Variants in GNB4 observed in about 807,000 individuals in gnomAD.
The protein encoded by GNB4 is G protein subunit beta 4, also known as guanine nucleotide-binding protein subunit beta-4.
Under a neutral mutation model 45.2 loss-of-function variants are expected in GNB4, and 28 were observed. The observed-to-expected ratio is 0.62, with a 90% CI of 0.46 to 0.85. The LOEUF (loss-of-function observed/expected upper bound fraction) is 0.85, where lower values mean the gene tolerates loss of function less well. GNB4 is among the 40% of genes least tolerant of loss of function. GNB4 has a pLI of 0.00. For synonymous variants in GNB4, 132 were observed against 143.7 expected (o/e 0.92, Z 0.58); for missense variants, 321 against 425.4 (o/e 0.75, Z 2.16).
the GNB4 span, chr3:179,464,875 A>G: frequency 6.4e-6 from 9 of 1,411,286 alleles, 1 homozygote; most frequent in African/African-American, 9.9e-5. Context: ...CGGCTACCCC[A>G]TGCGGTGTGT....
chr3:179,520,164 C>T, the GNB4 span, among the ~76,000 whole-genome samples: 52,547 of 125,410 alleles, frequency 0.42, 12,118 homozygotes, highest in East Asian at 0.62. Flanking sequence ...TCTGCTTTCA[C>T]TTAGACTGAC....
At chr3:179,463,145 A>C in the GNB4 span, among the ~76,000 whole-genome samples, 9 of 152,186 alleles carry the variant, frequency 5.9e-5, no homozygotes, top group African/African-American at 1.9e-4. Flanking sequence ...TGGTCTGTAC[A>C]TTCGCTGGGT....
Position 179,451,394 on chromosome 3 carries a change from G to A in GNB4, c.-91C>T, listed in dbSNP as rs1178907090. ...CGACCGCGCGCTGCCGGTGTCCGCT[G>A]GGCGCTCAGCAGCCCCTGGAGCGCG... On this transcript the variant is annotated 5_prime_UTR_variant, in exon 1 of 10. Coordinates refer to ENST00000232564, the MANE Select transcript of GNB4 (RefSeq NM_021629.4). 1 of 151,180 alleles carries A rather than the reference G, an allele frequency of 6.6e-6. No homozygotes were observed. The highest frequency in any genetic ancestry group is 1.5e-5 in the Non-Finnish European group (1 of 67,668). The allele number at this position is 151,180 out of a possible 1,614,324, so 9.4% of individuals were successfully genotyped here. A position where few individuals can be genotyped will look rare whatever the true frequency, so the allele number is the denominator to read the frequency against.
intron 1 of GNB4, among the ~76,000 whole-genome samples, chr3:179,436,388 C>G (rs1012892638): frequency 6.6e-6 from 1 of 151,996 alleles, no homozygotes; most frequent in Non-Finnish European, 1.5e-5. Context: ...GAAACTCCAT[C>G]TCAAAATAAA....
chr3:179,492,953 C>G, the GNB4 span, among the ~76,000 whole-genome samples: 1 of 152,170 alleles, frequency 6.6e-6, no homozygotes. Flanking sequence ...CTCTTAATAT[C>G]TTTGCCAACA....
chr3:179,481,304 C>T, the GNB4 span, among the ~76,000 whole-genome samples: 2 of 151,972 alleles, frequency 1.3e-5, no homozygotes, highest in Non-Finnish European at 2.9e-5. Flanking sequence ...TAATGAGCGC[C>T]TGGCAAAGTT....
At chr3:179,433,500 G>A (rs1356436803) in intron 1 of GNB4, among the ~76,000 whole-genome samples, 2 of 152,188 alleles carry the variant, frequency 1.3e-5, no homozygotes, top group Non-Finnish European at 2.9e-5. Context: ...CAGCCACTCA[G>A]GAGGCTGAGT....
chr3:179,519,521 C>T, the GNB4 span, among the ~76,000 whole-genome samples: 20 of 152,126 alleles, frequency 1.3e-4, no homozygotes, highest in Middle Eastern at 3.2e-3. Context: ...GGCCAGGCTT[C>T]TAAACCTCTT....
chr3:179,452,604 A>C (rs1715912880), upstream of GNB4, among the ~76,000 whole-genome samples: 1 of 152,150 alleles, frequency 6.6e-6, no homozygotes, highest in Non-Finnish European at 1.5e-5. Flanking sequence ...TGATGCCATG[A>C]TAAACACACC....
intron 1 of GNB4, among the ~76,000 whole-genome samples, chr3:179,430,520 A>G (rs1300828065): frequency 2.0e-5 from 3 of 152,018 alleles, no homozygotes; most frequent in African/African-American, 4.8e-5. Flanking sequence ...CAGCACAATC[A>G]CAGCTCACTG....
the GNB4 span, among the ~76,000 whole-genome samples, chr3:179,498,057 A>T: frequency 3.3e-5 from 5 of 152,242 alleles, no homozygotes; most frequent in African/African-American, 9.6e-5. Flanking sequence ...ATCCACAGAA[A>T]ATAAAATCAG....
chr3:179,471,818 T>C, the GNB4 span, among the ~76,000 whole-genome samples: 1 of 152,198 alleles, frequency 6.6e-6, no homozygotes, highest in African/African-American at 2.4e-5. Context: ...AGAACTTAGG[T>C]AGCAGAATTT....
the GNB4 span, among the ~76,000 whole-genome samples, chr3:179,482,409 G>A: frequency 2.6e-5 from 4 of 152,062 alleles, 1 homozygote; most frequent in Middle Eastern, 6.8e-3. Context: ...TGACGCAAGC[G>A]GTTATTATTT....
the GNB4 span, among the ~76,000 whole-genome samples, chr3:179,519,906 C>T: frequency 6.6e-6 from 1 of 152,184 alleles, no homozygotes. Flanking sequence ...CCTGCTACAG[C>T]ATGGTCTTTT....
intron 9 of GNB4, among the ~76,000 whole-genome samples, chr3:179,404,229 G>GT (rs1166287265): frequency 6.6e-5 from 10 of 152,294 alleles, no homozygotes; most frequent in South Asian, 2.1e-4. Context: ...TCGGAATTAT[G>GT]TAAACAGTGA....
At chr3:179,499,803 GT>G in the GNB4 span, among the ~76,000 whole-genome samples, 1 of 151,896 alleles carries the variant, frequency 6.6e-6, no homozygotes, top group East Asian at 1.9e-4. Flanking sequence ...GTGAGATGTG[GT>G]TTTGATTTGC....
chr3:179,517,420 A>G, the GNB4 span, among the ~76,000 whole-genome samples: 1 of 152,126 alleles, frequency 6.6e-6, no homozygotes, highest in Admixed American at 6.5e-5. Context: ...CCAGGTGATT[A>G]AAAAGCTTTA....
chr3:179,497,869 T>C, the GNB4 span, among the ~76,000 whole-genome samples: 53 of 152,278 alleles, frequency 3.5e-4, 1 homozygote, highest in African/African-American at 1.1e-3. Flanking sequence ...CTCAGTAGTA[T>C]GGCTATTATC....
chr3:179,456,107 C>CTTT (rs10603569), upstream of GNB4, among the ~76,000 whole-genome samples: 6 of 122,626 alleles, frequency 4.9e-5, no homozygotes, highest in African/African-American at 1.6e-4. Flanking sequence ...GGGACATAGA[C>CTTT]TTTTTTTTTT....
Sources: gnomAD v4.1 joint callset for allele counts (sites outside exome capture counted in the v4.1 genomes callset) on GRCh38, gnomAD v4.1.1 for gene constraint, MANE v1.5 for transcripts, NCBI Gene and HGNC (gene_info 2026-07-23, HGNC 2026-07-21) for gene names.